RAB34: variants seen among roughly 807,000 people sequenced by gnomAD.
The protein encoded by RAB34 is ras-related protein Rab-34.
RAB34 carries 33 observed loss-of-function variants against 39.0 expected under a neutral mutation model. The observed-to-expected ratio is 0.85, with a 90% confidence interval of 0.64 to 1.13. The LOEUF (loss-of-function observed/expected upper bound fraction) is 1.13. Among genes scored for constraint, RAB34 ranks in the 50% most tolerant of loss-of-function variants. The pLI is 0.00. For missense variants in RAB34, 289 were observed against 326.1 expected (o/e 0.89, Z 0.88); for synonymous variants, 135 against 125.1 (o/e 1.08, Z -0.53).
Position 28,714,814 on chromosome 17 carries a change from G to C in RAB34, c.691C>G (p.Arg231Gly), listed in dbSNP as rs757465924. Residue 231 changes from arginine to glycine, a missense_variant, in exon 9 of 10, where the codon CGA becomes GGA. Arg to Gly is a moderately radical substitution (Grantham distance 125). Transcript: ENST00000395245. ...VLAELEKSGARRIGDVVRINS... is the reference protein window; with the variant it reads ...VLAELEKSGAGRIGDVVRINS... ...TCACGGACAACATCCCCAATGCGTC[G>C]AGCCCCCGATTTCTCCAGCTCAGCC... 12 of 1,613,986 alleles carry C rather than the reference G, an allele frequency of 7.4e-6. No homozygotes were observed. The highest frequency in any genetic ancestry group is 1.1e-5 in the South Asian group (1 of 91,086).
At position 28,715,783 on chromosome 17, in the gene RAB34, G is replaced by A. The variant is rs1242476345; in HGVS notation, c.314+17C>T. The A allele has an allele frequency of 1.2e-6, 2 of 1,611,662 alleles. No individual in the cohort carries two copies. Among genetic ancestry groups the A allele is most frequent in the South Asian group, 1.1e-5 (1 of 91,016 alleles). On this transcript the variant is annotated intron_variant, in intron 4 of 9. Transcript: ENST00000395245. ...CTGGGGAGAAGGGATAGCTGGAAGGGGTGTGGAAGCACTCACAGCTGCAAA... is the reference window on the plus strand; with the variant it reads ...CTGGGGAGAAGGGATAGCTGGAAGGAGTGTGGAAGCACTCACAGCTGCAAA...
At chr17:28,718,349 GGGTTAGAA>G, upstream of RAB34, 1 of 1,226,276 alleles carries the variant, frequency 8.2e-7, no homozygotes, top group African/African-American at 1.6e-5. Flanking sequence ...GGGGGTGCCA[GGGTTAGAA>G]TGAGGTGCCC....
chr17:28,714,307 T>C lies in RAB34; in HGVS notation c.*336A>G, dbSNP rs1040764246. 7 of 559,260 alleles carry C rather than the reference T, an allele frequency of 1.3e-5. No homozygotes were observed. In the African/African-American group the frequency reaches 1.3e-4, roughly 11 times the overall value. 34.6% of individuals were successfully genotyped at this position (559,260 alleles called of 1,614,324 possible). The stretch of plus-strand genomic sequence containing the variant: ...AGTGCTCGTAACAAAGAAATTTTAA[T>C]GCATAAGGCACAGTGAGAGGCTGGA... On this transcript the variant is annotated 3_prime_UTR_variant, in exon 10 of 10. Coordinates refer to ENST00000395245, the MANE Select transcript of RAB34 (RefSeq NM_031934.6).
At chr17:28,715,579 C>T (rs1469454876) in intron 5 of RAB34, 62 bp downstream of exon 5, 5 of 1,613,996 alleles carry the variant, frequency 3.1e-6, no homozygotes, top group Non-Finnish European at 4.2e-6. Context: ...ATCCTTCCAG[C>T]TCCATATGAG....
Position 28,714,680 on chromosome 17 carries a change from A to C in RAB34, c.743T>G (p.Leu248Arg), listed in dbSNP as rs761523967. 1.9e-6 allele frequency: 3 copies of C among 1,614,112 alleles called. No homozygotes were observed. The highest frequency in any genetic ancestry group is 2.2e-5 in the South Asian group (2 of 91,088). Residue 248 changes from leucine (L) to arginine (R), a missense_variant, in exon 10 of 10, where the codon CTA (leucine) becomes CGA (arginine). Coordinates refer to ENST00000395245, the MANE Select transcript of RAB34 (RefSeq NM_031934.6). Reference sequence around the variant, plus strand: ...TGTGGGCTTCTTCTTGCTGGCAGTTAGGTAGAGGTTGCTGTCATCACTGTT... The same window carrying C: ...TGTGGGCTTCTTCTTGCTGGCAGTTCGGTAGAGGTTGCTGTCATCACTGTT... ...RINSDDSNLY[L>R]TASKKKPTCC...
rs1279298681 is a variant in RAB34 at position 28,715,296 on chromosome 17, G to A, written c.432-20C>T. 7.5e-6 allele frequency: 12 copies of A among 1,609,852 alleles called. No individual in the cohort carries two copies. Among genetic ancestry groups the A allele is most frequent in the Non-Finnish European group, 1.0e-5 (12 of 1,177,912 alleles). On this transcript the variant is annotated intron_variant, in intron 6 of 9. Coordinates refer to ENST00000395245, the MANE Select transcript of RAB34 (RefSeq NM_031934.6). ...CACTGCCTGCCATGGGAGGTGGAAA[G>A]TAAGGGATGAGTGAGTCTGCAGGGC...
rs1271222432 is a variant in RAB34, at chr17:28,715,246, A to C, written c.462T>G (p.Asn154Lys). Residue 154 changes from asparagine (N) to lysine (K), a missense_variant, in exon 7 of 10, where the codon AAT (asparagine) becomes AAG (lysine). By Grantham distance (94) the Asn-to-Lys change is moderately conservative (BLOSUM62 0). Transcript: ENST00000395245. ...GGAAGAGAAGCACACTGGAAGGGTC[A>C]TTCTCCTTCAGGGCATCGGCCAGCC... ...KQWLADALKE[N>K]DPSSVLLFLV... 1.2e-6 allele frequency: 2 copies of C among 1,613,712 alleles called. No individual in the cohort carries two copies. The highest frequency in any genetic ancestry group is 2.7e-5 in the African/African-American group (2 of 74,940).
At position 28,717,348 on chromosome 17, in the gene RAB34, C is replaced by G; in HGVS notation, c.-82G>C. On this transcript the variant is annotated 5_prime_UTR_variant, in exon 1 of 10. Transcript: ENST00000395245. ...GCGACCCGGGCGCGTGGAGACCCGA[C>G]GATCACCCGCGGCCGGGGTGTCCCG... The G allele has an allele frequency of 6.5e-7, 1 of 1,534,786 alleles. No individual in the cohort carries two copies. The highest frequency in any genetic ancestry group is 8.7e-7 in the Non-Finnish European group (1 of 1,144,710).
At chr17:28,717,083 G>C in intron 1 of RAB34, 89 bp from the exon 2 acceptor site, 1 of 1,561,452 alleles carries the variant, frequency 6.4e-7, no homozygotes. Flanking sequence ...GGAGTGCAGG[G>C]ACCACCCAGA....
intron 2 of RAB34, 144 bp downstream of exon 2, chr17:28,716,759 G>A (rs1209574909): frequency 1.1e-6 from 1 of 929,022 alleles, no homozygotes; most frequent in Admixed American, 3.1e-5. Flanking sequence ...GAAAAGGAGG[G>A]GATACAGGGG....
At chr17:28,716,327 A>C (rs1432118831) in intron 2 of RAB34, 5 of 485,006 alleles carry the variant, frequency 1.0e-5, no homozygotes, top group Non-Finnish European at 1.8e-5. Context: ...TCTAAGCCTC[A>C]GTTTAAACAT....
At position 28,717,337 on chromosome 17, in the gene RAB34, T is replaced by A. The variant is rs1177546239; in HGVS notation, c.-71A>T. 6.5e-7 allele frequency: 1 copy of A among 1,539,146 alleles called. No homozygotes were observed. The highest frequency in any genetic ancestry group is 2.5e-5 in the East Asian group (1 of 40,754). On this transcript the variant is annotated 5_prime_UTR_variant, in exon 1 of 10. Coordinates refer to ENST00000395245, the MANE Select transcript of RAB34 (RefSeq NM_031934.6). ...GATCCGCGTCAGCGACCCGGGCGCG[T>A]GGAGACCCGACGATCACCCGCGGCC...
Position 28,716,954 on chromosome 17 carries a change from A to C in RAB34, c.95T>G (p.Phe32Cys). 6.2e-7 allele frequency: 1 copy of C among 1,613,498 alleles called. No homozygotes were observed. Among genetic ancestry groups the C allele is most frequent in the East Asian group, 2.2e-5 (1 of 44,852 alleles). The part of the protein sequence containing the change: ...KEAALHGHKD[F>C]HPRVTCACQE... The stretch of plus-strand genomic sequence containing the variant: ...GCAGGCGCAGGTGACGCGGGGGTGG[A>C]AGTCTTTGTGCCCGTGCAAAGCGGC... The change falls in exon 2 of 10, where the codon TTC (phenylalanine) becomes TGC (cysteine). Residue 32 changes from phenylalanine (F) to cysteine (C), a missense_variant. By Grantham distance (205) the Phe-to-Cys change is radical. Transcript: ENST00000395245.
In RAB34 at chr17:28,714,776, A is replaced by C. The variant is rs367865245; in HGVS notation, c.712+17T>G. 1.0e-4 allele frequency: 169 copies of C among 1,613,930 alleles called. No individual in the cohort carries two copies. The highest frequency in any genetic ancestry group is 1.8e-4 in the Admixed American group (11 of 60,006). ...CTCACTGTGCCCTCTGCCACCCTCA[A>C]CCAGGCAAGCACTCACGGACAACAT... On this transcript the variant is annotated intron_variant, in intron 9 of 9. Coordinates refer to ENST00000395245, the MANE Select transcript of RAB34 (RefSeq NM_031934.6).
chr17:28,714,385 G>C lies in RAB34; in HGVS notation c.*258C>G, dbSNP rs2032977295. On this transcript the variant is annotated 3_prime_UTR_variant, in exon 10 of 10. Coordinates refer to ENST00000395245, the MANE Select transcript of RAB34 (RefSeq NM_031934.6). ...GCCCAGCAGGCTGAGCAAAAGAACA[G>C]AGACACTCTCCCTCACTACCACTGG... The C allele has an allele frequency of 1.6e-6, 1 of 635,588 alleles. No homozygotes were observed. The highest frequency in any genetic ancestry group is 1.8e-5 in the African/African-American group (1 of 54,742). The allele number at this position is 635,588 out of a possible 1,614,324, so 39.4% of individuals were successfully genotyped here.
In RAB34 at chr17:28,717,637, C is replaced by A. The variant is rs1033627284; in HGVS notation, c.-371G>T. 2.2e-6 allele frequency: 3 copies of A among 1,377,578 alleles called. No individual in the cohort carries two copies. Among genetic ancestry groups the A allele is most frequent in the African/African-American group, 3.1e-5 (2 of 65,470 alleles). The allele number at this position is 1,377,578 out of a possible 1,614,324, so 85.3% of individuals were successfully genotyped here. The stretch of plus-strand genomic sequence containing the variant: ...GGATAGTTCCTACGATTACGCGGGG[C>A]CGGATGGTTCCTACAATAACCCGGG... On this transcript the variant is annotated 5_prime_UTR_variant, in exon 1 of 10. Coordinates refer to ENST00000395245, the MANE Select transcript of RAB34 (RefSeq NM_031934.6).
Position 28,716,965 on chromosome 17 carries a change from C to T in RAB34, c.84G>A (p.Gly28=). ...QCLRKEAALH[G]HKDFHPRVTC... ...TGACGCGGGGGTGGAAGTCTTTGTG[C>T]CCGTGCAAAGCGGCCTCCTTCCTCA... The change falls in exon 2 of 10, where the codon GGG becomes GGA. Residue 28 remains glycine, a synonymous_variant. Transcript: ENST00000395245. 1 of 1,613,592 alleles carries T rather than the reference C, an allele frequency of 6.2e-7. No individual in the cohort carries two copies. Among genetic ancestry groups the T allele is most frequent in the Non-Finnish European group, 8.5e-7 (1 of 1,179,912 alleles).
intron 8 of RAB34, 32 bp downstream of exon 8, chr17:28,715,000 G>A (rs1402229320): frequency 6.2e-7 from 1 of 1,606,518 alleles, no homozygotes; most frequent in East Asian, 2.2e-5. Context: ...AGGCAAGAGT[G>A]TCACAGCAGA....
rs755962293 is a variant in RAB34, at chr17:28,715,745, G to T, written c.315-40C>A. ...GAGTGAAGCACAGGTATGTATCTTG[G>T]GGGGTGTGGGTGCTGGGGAGAAGGG... On this transcript the variant is annotated intron_variant, in intron 4 of 9. Coordinates refer to ENST00000395245, the MANE Select transcript of RAB34 (RefSeq NM_031934.6). The T allele has an allele frequency of 1.9e-6, 3 of 1,613,474 alleles. No homozygotes were observed. The East Asian group carries it at 6.7e-5, about 36-fold the overall frequency.
Sources: gnomAD v4.1 joint callset for allele counts on GRCh38, gnomAD v4.1.1 for gene constraint, MANE v1.5 for transcripts, NCBI Gene and HGNC (gene_info 2026-07-23, HGNC 2026-07-21) for gene names.